Variants in CTTNBP2NL observed in about 807,000 individuals in gnomAD.
CTTNBP2NL encodes the protein CTTNBP2 N-terminal-like protein.
In CTTNBP2NL, 16 loss-of-function variants were observed where a neutral mutation model predicts 32.5. That is an observed-to-expected ratio of 0.49 (90% CI 0.33 to 0.75). CTTNBP2NL has a LOEUF of 0.75. Ranked by LOEUF, CTTNBP2NL falls within the 30% of genes least tolerant of loss-of-function variation. CTTNBP2NL has a pLI of 0.02. For synonymous variants in CTTNBP2NL, 298 were observed against 289.4 expected (o/e 1.03, Z -0.30); for missense variants, 645 against 756.0 (o/e 0.85, Z 1.72).
intron 2 of CTTNBP2NL, among the ~76,000 whole-genome samples, chr1:112,412,806 ACAGGG>A (rs1648922505): frequency 6.6e-6 from 1 of 151,774 alleles, no homozygotes; most frequent in Non-Finnish European, 1.5e-5. Context: ...TTAAGTAGAG[ACAGGG>A]TTTCACCATG....
chr1:112,416,453 A>G (rs1326254386), intron 3 of CTTNBP2NL, among the ~76,000 whole-genome samples, 189 bp downstream of exon 3: 4 of 152,126 alleles, frequency 2.6e-5, no homozygotes, highest in Non-Finnish European at 4.4e-5. Context: ...TCTGTTTTCA[A>G]AATAGTTCCC....
chr1:112,456,640 A>G lies in CTTNBP2NL; in HGVS notation c.1148A>G (p.Gln383Arg), dbSNP rs758415756. Reference sequence around the variant, plus strand: ...CGGGAAAAATCTGTGGCATTGGCCCAAGAGAAACCAGTGGAGAATGGTGGG... The same window carrying G: ...CGGGAAAAATCTGTGGCATTGGCCCGAGAGAAACCAGTGGAGAATGGTGGG... The part of the protein sequence containing the change: ...PPREKSVALA[Q>R]EKPVENGGCP... The change falls in exon 6 of 6, where the codon CAA becomes CGA. Residue 383 changes from glutamine (Q) to arginine (R), a missense_variant. By Grantham distance (43) the Gln-to-Arg change is conservative (BLOSUM62 1). Coordinates refer to ENST00000271277, the MANE Select transcript of CTTNBP2NL (RefSeq NM_018704.3). 1.2e-6 allele frequency: 2 copies of G among 1,614,200 alleles called. No individual in the cohort carries two copies. The highest frequency in any genetic ancestry group is 1.7e-6 in the Non-Finnish European group (2 of 1,180,042).
chr1:112,442,583 A>T (rs1649925758), intron 3 of CTTNBP2NL, among the ~76,000 whole-genome samples: 1 of 151,622 alleles, frequency 6.6e-6, no homozygotes, highest in Non-Finnish European at 1.5e-5. Flanking sequence ...AACAAGTAAG[A>T]ACAAAAAGAA....
At chr1:112,414,240 C>T (rs1471176908) in intron 2 of CTTNBP2NL, among the ~76,000 whole-genome samples, 2 of 151,918 alleles carry the variant, frequency 1.3e-5, no homozygotes, top group African/African-American at 4.8e-5. Flanking sequence ...TGGTGGTTGC[C>T]TGTAATCCCA....
In CTTNBP2NL at chr1:112,460,175, T is replaced by G. The variant is rs763941269; in HGVS notation, c.*2763T>G. On this transcript the variant is annotated 3_prime_UTR_variant, in exon 6 of 6. Coordinates refer to ENST00000271277, the MANE Select transcript of CTTNBP2NL (RefSeq NM_018704.3). Reference sequence around the variant, plus strand: ...GCATTAACGTTTGTAAAGCCAAATATACCATGCAGAAGTCTTCATTTTTAT... The same window carrying G: ...GCATTAACGTTTGTAAAGCCAAATAGACCATGCAGAAGTCTTCATTTTTAT... 11 of 152,190 alleles carry G rather than the reference T, an allele frequency of 7.2e-5. No homozygotes were observed. Among genetic ancestry groups the G allele is most frequent in the Non-Finnish European group, 1.6e-4 (11 of 68,030 alleles). 9.4% of individuals were successfully genotyped at this position (152,190 alleles called of 1,614,324 possible). A position where few individuals can be genotyped will look rare whatever the true frequency, so the allele number is the denominator to read the frequency against.
intron 1 of CTTNBP2NL, among the ~76,000 whole-genome samples, chr1:112,409,508 G>A (rs1037342880): frequency 6.6e-6 from 1 of 151,934 alleles, no homozygotes; most frequent in East Asian, 1.9e-4. Flanking sequence ...TACCTTATGT[G>A]GAAAAACCTA....
chr1:112,430,587 CTG>C (rs1404030880), intron 3 of CTTNBP2NL, among the ~76,000 whole-genome samples: 1 of 72,842 alleles, frequency 1.4e-5, no homozygotes, highest in African/African-American at 4.2e-5. Context: ...GAGTCTGACT[CTG>C]TTGCCCAGGC....
chr1:112,409,228 A>C (rs1037484554), intron 1 of CTTNBP2NL, among the ~76,000 whole-genome samples: 12 of 152,270 alleles, frequency 7.9e-5, no homozygotes, highest in African/African-American at 2.9e-4. Context: ...CAATACTAAA[A>C]ACTCACTGAA....
chr1:112,427,361 G>A (rs1473286589), intron 3 of CTTNBP2NL, among the ~76,000 whole-genome samples: 1 of 152,164 alleles, frequency 6.6e-6, no homozygotes, highest in African/African-American at 2.4e-5. Context: ...AGAGTCAGTT[G>A]TTGAAGAATA....
At chr1:112,399,641 G>A (rs561607136) in intron 1 of CTTNBP2NL, among the ~76,000 whole-genome samples, 1 of 152,104 alleles carries the variant, frequency 6.6e-6, no homozygotes, top group Non-Finnish European at 1.5e-5. Flanking sequence ...GTTTCTTGGG[G>A]GTTTCCATCT....
At chr1:112,411,614 G>T (rs1249640574) in intron 1 of CTTNBP2NL, among the ~76,000 whole-genome samples, 1 of 152,078 alleles carries the variant, frequency 6.6e-6, no homozygotes, top group East Asian at 1.9e-4. Flanking sequence ...TTTATGGATT[G>T]TTGGGAGGTG....
At chr1:112,415,271 GTCTA>G (rs927766842) in intron 2 of CTTNBP2NL, among the ~76,000 whole-genome samples, 1 of 152,090 alleles carries the variant, frequency 6.6e-6, no homozygotes, top group African/African-American at 2.4e-5. Context: ...GTTGAATTAA[GTCTA>G]TTTTACTATA....
intron 1 of CTTNBP2NL, among the ~76,000 whole-genome samples, chr1:112,411,942 G>A (rs1208748750): frequency 6.6e-6 from 1 of 152,180 alleles, no homozygotes; most frequent in Admixed American, 6.5e-5. Context: ...AATGGCAGTG[G>A]ACATCTTAAA....
In CTTNBP2NL at chr1:112,459,632, G is replaced by A. The variant is rs1650488770; in HGVS notation, c.*2220G>A. 6.6e-6 allele frequency: 1 copy of A among 152,192 alleles called. No homozygotes were observed. Among genetic ancestry groups the A allele is most frequent in the Non-Finnish European group, 1.5e-5 (1 of 68,034 alleles). 9.4% of individuals were successfully genotyped at this position (152,192 alleles called of 1,614,324 possible). A position where few individuals can be genotyped will look rare whatever the true frequency, so the allele number is the denominator to read the frequency against. ...AATGATGTAGGGGGTATCTTAAACT[G>A]TCCAAGGCAATCATGCATTGAACTT... On this transcript the variant is annotated 3_prime_UTR_variant, in exon 6 of 6. Coordinates refer to ENST00000271277, the MANE Select transcript of CTTNBP2NL (RefSeq NM_018704.3).
At chr1:112,393,132 A>G (rs1018936438), upstream of CTTNBP2NL, among the ~76,000 whole-genome samples, 1 of 152,186 alleles carries the variant, frequency 6.6e-6, no homozygotes, top group African/African-American at 2.4e-5. Context: ...TGCTAGGATT[A>G]CAGGAGTGAG....
At chr1:112,452,622 G>C (rs1650257277) in intron 4 of CTTNBP2NL, among the ~76,000 whole-genome samples, 1 of 144,884 alleles carries the variant, frequency 6.9e-6, no homozygotes, top group African/African-American at 2.6e-5. Flanking sequence ...GAGATTACAG[G>C]CATGAGCCAC....
At chr1:112,410,109 TAGGCCGGGCACGG>T (rs920173657) in intron 1 of CTTNBP2NL, among the ~76,000 whole-genome samples, 3 of 152,124 alleles carry the variant, frequency 2.0e-5, no homozygotes, top group African/African-American at 7.2e-5. Context: ...AAAATAAGTG[TAGGCCGGGCACGG>T]AGGCTCACAC....
chr1:112,446,811 A>C (rs918188713), intron 3 of CTTNBP2NL, among the ~76,000 whole-genome samples: 1 of 152,202 alleles, frequency 6.6e-6, no homozygotes, highest in East Asian at 1.9e-4. Flanking sequence ...CTGCCTCCCA[A>C]AGTGCTGGGA....
intron 4 of CTTNBP2NL, among the ~76,000 whole-genome samples, chr1:112,453,988 C>T (rs1650297363): frequency 6.6e-6 from 1 of 152,134 alleles, no homozygotes; most frequent in South Asian, 2.1e-4. Context: ...AGAATGTCAC[C>T]TATTTGAAAT....
Sources: gnomAD v4.1 joint callset for allele counts (sites outside exome capture counted in the v4.1 genomes callset) on GRCh38, gnomAD v4.1.1 for gene constraint, MANE v1.5 for transcripts, NCBI Gene and HGNC (gene_info 2026-07-23, HGNC 2026-07-21) for gene names.